SPEF2: variants seen among roughly 807,000 people sequenced by gnomAD.
The protein encoded by SPEF2 is sperm flagellar and cilia associated 2.
A neutral mutation model predicts 224.6 loss-of-function variants in SPEF2; 187 were observed. The ratio of observed to expected loss-of-function variants is 0.83; its 90% CI spans 0.74 to 0.94. The LOEUF is 0.94. SPEF2 is among the 40% of genes least tolerant of loss of function. The pLI, the probability that SPEF2 is intolerant of heterozygous loss-of-function variation, is 0.00. For synonymous variants in SPEF2, 715 were observed against 707.3 expected (o/e 1.01, Z -0.17); for missense variants, 2,170 against 2,135.6 (o/e 1.02, Z -0.32).
chr5:35,667,066 T>C lies in SPEF2; in HGVS notation c.1168-6T>C, dbSNP rs1580187735. The stretch of plus-strand genomic sequence containing the variant: ...GTGACTTAAAAATATGTTTTTGCCT[T>C]TTTAGGCTTTGGCAAAACAAGCCAA... On this transcript the variant is annotated splice_polypyrimidine_tract_variant and splice_region_variant and intron_variant, in intron 8 of 36. Coordinates refer to ENST00000356031, the MANE Select transcript of SPEF2 (RefSeq NM_024867.4). 1.3e-6 allele frequency: 2 copies of C among 1,595,312 alleles called. No homozygotes were observed. Among genetic ancestry groups the C allele is most frequent in the Non-Finnish European group, 1.7e-6 (2 of 1,174,830 alleles).
intron 25 of SPEF2, among the ~76,000 whole-genome samples, chr5:35,763,289 T>G (rs1396850252): frequency 6.6e-6 from 1 of 152,026 alleles, no homozygotes; most frequent in African/African-American, 2.4e-5. Flanking sequence ...AGTCTGAAAA[T>G]TATGGGTTTT....
rs889116612 is a variant in SPEF2 at position 35,773,980 on chromosome 5, T to A, written c.4037T>A (p.Val1346Asp). The change falls in exon 28 of 37, where the codon GTC becomes GAC. Residue 1346 changes from valine to aspartate, a missense_variant. Transcript: ENST00000356031. ...ATCAAAAGGAAAAATGAACTGAGGG[T>A]CAAAATAAAAGAAGAACACCTTGCT... ...AEIKRKNELR[V>D]KIKEEHLAAL... 3 of 1,612,784 alleles carry A rather than the reference T, an allele frequency of 1.9e-6. No individual in the cohort carries two copies. Among genetic ancestry groups the A allele is most frequent in the Non-Finnish European group, 2.5e-6 (3 of 1,179,388 alleles).
chr5:35,814,566 G>A lies in SPEF2; in HGVS notation c.*13G>A, dbSNP rs996067471. ...GGAAAAGAAATGAAGACAAAAGAGT[G>A]TGATTTTTTTAATTCTGCAATAAAT... is the stretch of plus-strand genomic sequence containing the variant. On this transcript the variant is annotated 3_prime_UTR_variant, in exon 37 of 37. Transcript: ENST00000356031. The A allele has an allele frequency of 7.1e-6, 11 of 1,548,066 alleles. 1 individual carries two copies. The highest frequency in any genetic ancestry group is 9.7e-6 in the Non-Finnish European group (11 of 1,136,170).
chr5:35,629,339 A>G (rs1744759487), intron 2 of SPEF2, among the ~76,000 whole-genome samples: 1 of 150,630 alleles, frequency 6.6e-6, no homozygotes, highest in South Asian at 2.1e-4. Context: ...TATTTTTTTT[A>G]GTAGAGACGA....
chr5:35,771,073 A>G (rs552611079), intron 26 of SPEF2, among the ~76,000 whole-genome samples: 2 of 152,236 alleles, frequency 1.3e-5, no homozygotes, highest in East Asian at 1.9e-4. Flanking sequence ...TGATGAATAT[A>G]TGTATGAAGA....
intron 23 of SPEF2, among the ~76,000 whole-genome samples, chr5:35,751,003 ATATATATACG>A (rs1373932102): frequency 3.9e-5 from 5 of 128,766 alleles, no homozygotes; most frequent in African/African-American, 1.5e-4. Flanking sequence ...ATATGTATAT[ATATATATACG>A]TATATATATA....
chr5:35,781,133 G>GA (rs1303598916), intron 30 of SPEF2, among the ~76,000 whole-genome samples: 1 of 151,774 alleles, frequency 6.6e-6, no homozygotes, highest in Non-Finnish European at 1.5e-5. Flanking sequence ...GAGGGAGGGA[G>GA]AAACGGAGTT....
intron 7 of SPEF2, among the ~76,000 whole-genome samples, chr5:35,657,909 C>T (rs1409569023): frequency 3.3e-5 from 5 of 152,202 alleles, no homozygotes; most frequent in African/African-American, 1.2e-4. Context: ...CTAGAAGACC[C>T]TTGAATACTT....
Position 35,751,001 on chromosome 5 carries a change from ATATATATATACG to A in SPEF2, c.3331-2599_3331-2588del, listed in dbSNP as rs375982083. On this transcript the variant is annotated intron_variant, in intron 23 of 36. Coordinates refer to ENST00000356031, the MANE Select transcript of SPEF2 (RefSeq NM_024867.4). ...AACTGTGCTATATATATATATGTATATATATATATACGTATATATATACGTATATATATACAC... is the reference window on the plus strand; with the variant it reads ...AACTGTGCTATATATATATATGTATATATATATATACGTATATATATACAC... 4.6e-4 allele frequency among the ~76,000 whole-genome samples: 42 copies of A among 91,588 alleles called. 1 individual carries two copies. Among genetic ancestry groups the A allele is most frequent in the East Asian group, 2.4e-3 (7 of 2,860 alleles). The allele number at this position is 91,588 out of a possible 152,430, so 60.1% of individuals were successfully genotyped here. A position where few individuals can be genotyped will look rare whatever the true frequency, so the allele number is the denominator to read the frequency against.
At chr5:35,646,567 AT>A in intron 4 of SPEF2, 99 bp from the exon 5 acceptor site, 1 of 1,244,322 alleles carries the variant, frequency 8.0e-7, no homozygotes, top group Non-Finnish European at 1.1e-6. Flanking sequence ...GGGTTCTGAA[AT>A]TTTCAATAGA....
chr5:35,806,148 C>T (rs1758019302), intron 34 of SPEF2, among the ~76,000 whole-genome samples: 1 of 152,192 alleles, frequency 6.6e-6, no homozygotes, highest in South Asian at 2.1e-4. Context: ...CTTCACCATA[C>T]TCATGAGTGC....
At chr5:35,698,120 AG>A (rs1755597000) in intron 15 of SPEF2, 1 of 176,434 alleles carries the variant, frequency 5.7e-6, no homozygotes, top group African/African-American at 2.4e-5. Context: ...CGGGGAAAAA[AG>A]AAGCCAGAGA....
chr5:35,644,688 C>A (rs553641780), intron 4 of SPEF2, among the ~76,000 whole-genome samples, 163 bp downstream of exon 4: 5 of 145,510 alleles, frequency 3.4e-5, no homozygotes, highest in Non-Finnish European at 7.5e-5. Flanking sequence ...CTCTCCCCTG[C>A]TCCTTTTCTC....
rs114105677 is a variant in SPEF2 at position 35,751,376 on chromosome 5, C to T, written c.3331-2248C>T. On this transcript the variant is annotated intron_variant, in intron 23 of 36. Transcript: ENST00000356031. ...CAAATATGGTGCAGTGTATACTGCTCATGTGATGAGTACAGCAAAATCTCA... is the reference window on the plus strand; with the variant it reads ...CAAATATGGTGCAGTGTATACTGCTTATGTGATGAGTACAGCAAAATCTCA... Among the ~76,000 whole-genome samples the T allele has an allele frequency of 9.1e-3, 1,376 of 150,714 alleles. 16 individuals are homozygous for T. The highest frequency in any genetic ancestry group is 0.033 in the African/African-American group (1,342 of 41,020).
intron 10 of SPEF2, among the ~76,000 whole-genome samples, chr5:35,685,144 T>C (rs1753401540): frequency 6.6e-6 from 1 of 152,146 alleles, no homozygotes; most frequent in Non-Finnish European, 1.5e-5. Context: ...AAAAATACTT[T>C]TTATAAATAC....
At position 35,727,681 on chromosome 5, in the gene SPEF2, C is replaced by T. The variant is rs116248955; in HGVS notation, c.2921C>T (p.Pro974Leu). 0.018 allele frequency: 29,548 copies of T among 1,612,724 alleles called. 387 individuals carry two copies. The highest frequency in any genetic ancestry group is 0.022 in the Non-Finnish European group (26,516 of 1,179,140). Reference protein sequence around the residue: ...GETALKRKGSPKGKSSGGKVP... With the variant: ...GETALKRKGSLKGKSSGGKVP... Reference sequence around the variant, plus strand: ...TTTGATATGCATGTTTAAGGTTCTCCTAAAGGAAAATCATCAGGAGGAAAA... The same window carrying T: ...TTTGATATGCATGTTTAAGGTTCTCTTAAAGGAAAATCATCAGGAGGAAAA... The change falls in exon 21 of 37, where the codon CCT (proline) becomes CTT (leucine). Residue 974 changes from proline (P) to leucine (L), a missense_variant. Pro to Leu is a moderately conservative substitution (Grantham distance 98). Coordinates refer to ENST00000356031, the MANE Select transcript of SPEF2 (RefSeq NM_024867.4).
At chr5:35,807,479 G>T (rs776873930) in intron 36 of SPEF2, among the ~76,000 whole-genome samples, 1 of 152,176 alleles carries the variant, frequency 6.6e-6, no homozygotes, top group Non-Finnish European at 1.5e-5. Flanking sequence ...AGTTAAAGCT[G>T]GGTGGGTGAC....
chr5:35,680,352 G>A (rs1752614622), intron 10 of SPEF2, among the ~76,000 whole-genome samples: 1 of 152,098 alleles, frequency 6.6e-6, no homozygotes, highest in Non-Finnish European at 1.5e-5. Context: ...TGTCTATGAG[G>A]ATTATGCTTT....
chr5:35,737,784 G>A (rs565462265), intron 21 of SPEF2, among the ~76,000 whole-genome samples: 4 of 152,160 alleles, frequency 2.6e-5, no homozygotes, highest in Non-Finnish European at 2.9e-5. Flanking sequence ...CTGAAGAATC[G>A]CCACACTGAC....
Sources: gnomAD v4.1 joint callset for allele counts (sites outside exome capture counted in the v4.1 genomes callset) on GRCh38, gnomAD v4.1.1 for gene constraint, MANE v1.5 for transcripts, NCBI Gene and HGNC (gene_info 2026-07-23, HGNC 2026-07-21) for gene names.